The following STEAP3 variants were observed in gnomAD, a reference collection of about 807,000 sequenced individuals.
The protein encoded by STEAP3 is STEAP3 metalloreductase.
In STEAP3, 35 loss-of-function variants were observed where a neutral mutation model predicts 34.9. The ratio of observed to expected loss-of-function variants is 1.00; its 90% CI spans 0.76 to 1.33. The LOEUF is 1.33. Among genes scored for constraint, STEAP3 ranks in the 40% most tolerant of loss-of-function variants. STEAP3 has a pLI of 0.00. For synonymous variants in STEAP3, 281 were observed against 301.6 expected, an observed-to-expected ratio of 0.93 and a Z score of 0.71; for missense variants, 652 against 667.6, an observed-to-expected ratio of 0.98 and a Z score of 0.26.
Position 119,248,220 on chromosome 2 carries a change from G to A in STEAP3, c.1050+14G>A, listed in dbSNP as rs1677508655. 6.4e-7 allele frequency: 1 copy of A among 1,559,380 alleles called. No individual in the cohort carries two copies. Among genetic ancestry groups the A allele is most frequent in the East Asian group, 2.3e-5 (1 of 44,114 alleles). On this transcript the variant is annotated intron_variant, in intron 4 of 5. Coordinates refer to ENST00000393110, the MANE Select transcript of STEAP3 (RefSeq NM_182915.3). ...GCAGTCAAGCAGGTACCCACCCCAT[G>A]CCCTTCCTCCCTCTGGCAACTCAGC...
intron 2 of STEAP3, among the ~76,000 whole-genome samples, chr2:119,234,176 C>CT (rs5833784): frequency 0.44 from 66,283 of 152,070 alleles, 14,588 homozygotes; most frequent in Non-Finnish European, 0.47. Flanking sequence ...CTGCCCTTTC[C>CT]TAACCCCACG....
At chr2:119,256,112 T>A (rs1677766236) in intron 5 of STEAP3, among the ~76,000 whole-genome samples, 1 of 152,168 alleles carries the variant, frequency 6.6e-6, no homozygotes. Flanking sequence ...TCAACAGAAA[T>A]CTGTGCAGGG....
At chr2:119,243,172 G>A (rs1677301385) in intron 2 of STEAP3, among the ~76,000 whole-genome samples, 1 of 152,202 alleles carries the variant, frequency 6.6e-6, no homozygotes, top group Non-Finnish European at 1.5e-5. Context: ...TGACAGGCAG[G>A]GCCATGTTTC....
Position 119,245,578 on chromosome 2 carries a change from G to T in STEAP3, c.112G>T (p.Ala38Ser). 1 of 1,606,282 alleles carries T rather than the reference G, an allele frequency of 6.2e-7. No homozygotes were observed. The change falls in exon 3 of 6, where the codon GCC (alanine) becomes TCC (serine). Residue 38 changes from alanine (A) to serine (S), a missense_variant. Ala to Ser is a moderately conservative substitution (Grantham distance 99). Coordinates refer to ENST00000393110, the MANE Select transcript of STEAP3 (RefSeq NM_182915.3). The part of the protein sequence containing the change: ...DSSLAKVPDE[A>S]PKVGILGSGD... ...TAGCCTTGCCAAGGTCCCCGATGAG[G>T]CCCCCAAAGTGGGCATCCTGGGTAG...
intron 1 of STEAP3, 130 bp downstream of exon 1, chr2:119,224,018 T>A (rs1469798766): frequency 6.6e-6 from 1 of 152,206 alleles, no homozygotes. Context: ...AGGCGACTTC[T>A]GTCCCCTGGG....
intron 2 of STEAP3, among the ~76,000 whole-genome samples, chr2:119,238,342 G>C (rs996565743): frequency 3.9e-5 from 6 of 152,140 alleles, no homozygotes; most frequent in Non-Finnish European, 8.8e-5. Context: ...CATCCTAGTG[G>C]GTGTGAAGTG....
rs186636988 is a variant in STEAP3 at position 119,234,785 on chromosome 2, G to A, written c.22+3751G>A. ...TGTAAATGGCACCTCCTAAAGTTGT[G>A]CAGCATAGGGACCCTAGGGCTTGAG... On this transcript the variant is annotated intron_variant, in intron 2 of 5. Coordinates refer to ENST00000393110, the MANE Select transcript of STEAP3 (RefSeq NM_182915.3). Among the ~76,000 whole-genome samples, 25 of 152,342 alleles carry A rather than the reference G, an allele frequency of 1.6e-4. No individual in the cohort carries two copies. In the East Asian group the frequency reaches 4.8e-3, roughly 29 times the overall value.
intron 5 of STEAP3, among the ~76,000 whole-genome samples, chr2:119,261,399 G>C (rs1260569911): frequency 6.6e-6 from 1 of 152,126 alleles, no homozygotes; most frequent in Non-Finnish European, 1.5e-5. Flanking sequence ...ATGCATATGT[G>C]TTCATTGCTT....
intron 1 of STEAP3, among the ~76,000 whole-genome samples, chr2:119,227,395 G>A (rs549322470): frequency 7.9e-5 from 12 of 152,276 alleles, no homozygotes; most frequent in African/African-American, 1.9e-4. Flanking sequence ...TGGGCCAGGC[G>A]TTCATTGCTT....
At chr2:119,238,619 G>C (rs559061028) in intron 2 of STEAP3, among the ~76,000 whole-genome samples, 1 of 152,130 alleles carries the variant, frequency 6.6e-6, no homozygotes, top group Non-Finnish European at 1.5e-5. Flanking sequence ...TTTCGATTTC[G>C]TCAGCAGCGA....
intron 2 of STEAP3, among the ~76,000 whole-genome samples, chr2:119,233,597 T>A (rs555740876): frequency 1.3e-5 from 2 of 152,152 alleles, no homozygotes; most frequent in South Asian, 4.2e-4. Context: ...ACCACAAAAA[T>A]GTATTGAGCA....
intron 3 of STEAP3, among the ~76,000 whole-genome samples, chr2:119,247,183 T>A (rs907235602): frequency 6.6e-6 from 1 of 152,088 alleles, no homozygotes; most frequent in Non-Finnish European, 1.5e-5. Context: ...GTAGAAGGCC[T>A]TATGTGCTGG....
At chr2:119,224,085 G>A (rs1678956633) in intron 1 of STEAP3, among the ~76,000 whole-genome samples, 197 bp downstream of exon 1, 1 of 152,242 alleles carries the variant, frequency 6.6e-6, no homozygotes, top group African/African-American at 2.4e-5. Flanking sequence ...CCCACCCCGT[G>A]TGCCTTCCTT....
chr2:119,241,160 A>AT (rs1167147324), intron 2 of STEAP3, among the ~76,000 whole-genome samples: 3 of 151,984 alleles, frequency 2.0e-5, no homozygotes, highest in African/African-American at 7.3e-5. Flanking sequence ...ATATTAACTC[A>AT]TTTCATCCTC....
chr2:119,231,594 G>A (rs1285634279), intron 2 of STEAP3, among the ~76,000 whole-genome samples: 1 of 152,116 alleles, frequency 6.6e-6, no homozygotes, highest in Admixed American at 6.5e-5. Context: ...TTGCACAGTT[G>A]TGTGACGGTA....
In STEAP3 at chr2:119,247,696, C is replaced by A; in HGVS notation, c.540C>A (p.Asp180Glu). The change falls in exon 4 of 6, where the codon GAC (aspartate) becomes GAA (glutamate). Residue 180 changes from aspartate to glutamate, a missense_variant. By Grantham distance (45) the Asp-to-Glu change is conservative (BLOSUM62 2). Coordinates refer to ENST00000393110, the MANE Select transcript of STEAP3 (RefSeq NM_182915.3). The part of the protein sequence containing the change: ...DGNRQVPICG[D>E]QPEAKRAVSE... ...TCCCGCAGGTGCCCATCTGCGGTGA[C>A]CAGCCAGAAGCCAAGCGTGCTGTCT... The A allele has an allele frequency of 6.5e-7, 1 of 1,541,058 alleles. No individual in the cohort carries two copies. Among genetic ancestry groups the A allele is most frequent in the Non-Finnish European group, 8.7e-7 (1 of 1,147,600 alleles).
intron 4 of STEAP3, 82 bp downstream of exon 4, chr2:119,248,288 G>T (rs1311148464): frequency 6.8e-7 from 1 of 1,461,378 alleles, no homozygotes. Context: ...ACCAGGTGCA[G>T]CCGATACCCA....
intron 2 of STEAP3, among the ~76,000 whole-genome samples, chr2:119,236,865 G>A (rs566784649): frequency 1.8e-4 from 28 of 152,292 alleles, no homozygotes; most frequent in African/African-American, 6.0e-4. Flanking sequence ...CTGGGCCCTG[G>A]AATGGCTTGC....
intron 2 of STEAP3, among the ~76,000 whole-genome samples, chr2:119,242,545 G>A (rs538350071): frequency 1.5e-4 from 23 of 152,294 alleles, no homozygotes; most frequent in African/African-American, 5.3e-4. Flanking sequence ...GGGCTGAAGG[G>A]GTGCCTGCAG....
Sources: gnomAD v4.1 joint callset for allele counts (sites outside exome capture counted in the v4.1 genomes callset) on GRCh38, gnomAD v4.1.1 for gene constraint, MANE v1.5 for transcripts, NCBI Gene and HGNC (gene_info 2026-07-23, HGNC 2026-07-21) for gene names.